The following HOPX variants were observed in gnomAD, a reference collection of about 807,000 sequenced individuals.
HOPX encodes the protein HOP homeobox, also known as homeodomain-only protein.
In HOPX, 5 loss-of-function variants were observed where a neutral mutation model predicts 11.8. The ratio of observed to expected loss-of-function variants is 0.43; its 90% CI spans 0.22 to 0.89. The LOEUF (loss-of-function observed/expected upper bound fraction) is 0.89. Ranked by LOEUF, HOPX falls within the 40% of genes least tolerant of loss-of-function variation. HOPX has a pLI of 0.28. For missense variants in HOPX, 119 were observed against 120.0 expected, an observed-to-expected ratio of 0.99 and a Z score of 0.04; for synonymous variants, 49 against 49.7, an observed-to-expected ratio of 0.99 and a Z score of 0.06.
intron 1 of HOPX, among the ~76,000 whole-genome samples, chr4:56,672,278 C>A (rs945878830): frequency 1.3e-5 from 2 of 152,058 alleles, no homozygotes; most frequent in African/African-American, 4.8e-5. Flanking sequence ...GTGGTTCATG[C>A]CTGTAATCCC....
intron 3 of HOPX, chr4:56,651,069 A>G (rs1298792219): frequency 3.2e-6 from 1 of 316,368 alleles, no homozygotes; most frequent in African/African-American, 2.2e-5. Context: ...GACTAATTAA[A>G]ATCTGGAGGA....
chr4:56,648,925 T>A (rs1716901547), intron 3 of HOPX, 128 bp from the exon 4 acceptor site: 1 of 644,272 alleles, frequency 1.6e-6, no homozygotes, highest in Non-Finnish European at 2.7e-6. Flanking sequence ...CCCATAGGGA[T>A]GGTTCTCACT....
intron 1 of HOPX, among the ~76,000 whole-genome samples, chr4:56,669,392 G>T (rs1221320595): frequency 2.0e-5 from 3 of 152,014 alleles, no homozygotes; most frequent in Non-Finnish European, 4.4e-5. Context: ...AAGAATAAAA[G>T]GAGTGCTATT....
rs564120742 is a variant in HOPX, at chr4:56,656,491, T to C, written c.43-479A>G. ...CGCCCGAGTCCGCGACTAGCCGGCC[T>C]CCGGCCTCCCCGGTAGGCGGCCTTC... is the stretch of plus-strand genomic sequence containing the variant. On this transcript the variant is annotated intron_variant, in intron 2 of 3. Transcript: ENST00000420433. 108 of 279,210 alleles carry C rather than the reference T, an allele frequency of 3.9e-4. 1 individual carries two copies. In the African/African-American group the frequency reaches 0.015, roughly 38 times the overall value. 17.3% of individuals were successfully genotyped at this position (279,210 alleles called of 1,614,324 possible).
At chr4:56,674,866 G>T (rs1718924160) in intron 1 of HOPX, among the ~76,000 whole-genome samples, 1 of 147,768 alleles carries the variant, frequency 6.8e-6, no homozygotes, top group Non-Finnish European at 1.5e-5. Flanking sequence ...TCCCGCCTCA[G>T]TCTCCCAAGT....
chr4:56,649,245 T>C (rs1578320691), intron 3 of HOPX: 1 of 154,336 alleles, frequency 6.5e-6, no homozygotes, highest in Non-Finnish European at 1.4e-5. Context: ...GCAGAGACTG[T>C]ATTCATCCTA....
chr4:56,655,072 G>A (rs991752990), intron 3 of HOPX, among the ~76,000 whole-genome samples: 7 of 152,130 alleles, frequency 4.6e-5, no homozygotes, highest in African/African-American at 1.7e-4. Flanking sequence ...GGCACTTTTC[G>A]GGATAATACA....
chr4:56,650,067 A>G (rs1030208449), intron 3 of HOPX: 1 of 154,124 alleles, frequency 6.5e-6, no homozygotes, highest in African/African-American at 2.4e-5. Flanking sequence ...ACTGGTGTGT[A>G]GGCAGGCTGT....
At chr4:56,656,706 A>G (rs1717771208) in intron 2 of HOPX, among the ~76,000 whole-genome samples, 1 of 152,184 alleles carries the variant, frequency 6.6e-6, no homozygotes, top group African/African-American at 2.4e-5. Context: ...AAGGCAGGGG[A>G]TTGAGACACG....
At position 56,648,633 on chromosome 4, in the gene HOPX, G is replaced by A; in HGVS notation, c.*87C>T. On this transcript the variant is annotated 3_prime_UTR_variant, in exon 4 of 4. Transcript: ENST00000420433. Reference sequence around the variant, plus strand: ...CTAGCAATGGAACATACAACACTATGCTGAAAAACCACAACAGCTTGGTTA... The same window carrying A: ...CTAGCAATGGAACATACAACACTATACTGAAAAACCACAACAGCTTGGTTA... 1 of 927,122 alleles carries A rather than the reference G, an allele frequency of 1.1e-6. No individual in the cohort carries two copies. Among genetic ancestry groups the A allele is most frequent in the Admixed American group, 2.0e-5 (1 of 49,344 alleles). 57.4% of individuals were successfully genotyped at this position (927,122 alleles called of 1,614,324 possible).
At chr4:56,670,592 T>C (rs1297757402) in intron 1 of HOPX, among the ~76,000 whole-genome samples, 1 of 152,232 alleles carries the variant, frequency 6.6e-6, no homozygotes, top group African/African-American at 2.4e-5. Context: ...GAACATTAAT[T>C]AGATTAATTA....
intron 3 of HOPX, among the ~76,000 whole-genome samples, chr4:56,653,706 C>T (rs1353074815): frequency 6.6e-6 from 1 of 152,102 alleles, no homozygotes; most frequent in African/African-American, 2.4e-5. Context: ...AGCCAGGGGC[C>T]CTGCTAAGAG....
At chr4:56,671,426 A>G (rs1364271705) in intron 1 of HOPX, among the ~76,000 whole-genome samples, 1 of 152,054 alleles carries the variant, frequency 6.6e-6, no homozygotes, top group African/African-American at 2.4e-5. Context: ...TTGCATAAAT[A>G]TATATTAATA....
chr4:56,649,500 G>A (rs1260410897), intron 3 of HOPX: 1 of 152,196 alleles, frequency 6.6e-6, no homozygotes, highest in African/African-American at 2.4e-5. Context: ...GCACTCCTTG[G>A]GGATGCATGG....
chr4:56,661,460 G>A (rs1338146440), intron 1 of HOPX, among the ~76,000 whole-genome samples: 1 of 152,084 alleles, frequency 6.6e-6, no homozygotes. Context: ...TTTCTCTAGG[G>A]TATACAGTAG....
chr4:56,662,823 A>T (rs1332449119), intron 1 of HOPX: 1 of 152,172 alleles, frequency 6.6e-6, no homozygotes, highest in Non-Finnish European at 1.5e-5. Flanking sequence ...AGGTTCTAAG[A>T]TATCACCAAA....
chr4:56,663,053 T>C (rs766380114), intron 1 of HOPX: 3 of 152,220 alleles, frequency 2.0e-5, no homozygotes, highest in Non-Finnish European at 4.4e-5. Flanking sequence ...GCAATAAAGA[T>C]AATGGGATCT....
At chr4:56,667,058 G>A (rs565566132) in intron 1 of HOPX, among the ~76,000 whole-genome samples, 2 of 152,314 alleles carry the variant, frequency 1.3e-5, no homozygotes, top group African/African-American at 4.8e-5. Context: ...AGGGTTTCAA[G>A]GAACTGTTGA....
Position 56,669,532 on chromosome 4 carries a change from G to A in HOPX, c.-83-11633C>T, listed in dbSNP as rs1046252960. ...AAATTAGCCAGATGAGGTGGTGGGG[G>A]CCTGTAGTCCCAGCTACTCAGGAGG... On this transcript the variant is annotated intron_variant, in intron 1 of 3. Transcript: ENST00000420433. 6.6e-5 allele frequency among the ~76,000 whole-genome samples: 10 copies of A among 152,136 alleles called. No individual in the cohort carries two copies. In the East Asian group the frequency reaches 1.9e-3, roughly 29 times the overall value.
Sources: gnomAD v4.1 joint callset for allele counts (sites outside exome capture counted in the v4.1 genomes callset) on GRCh38, gnomAD v4.1.1 for gene constraint, MANE v1.5 for transcripts, NCBI Gene and HGNC (gene_info 2026-07-23, HGNC 2026-07-21) for gene names.